Variants in NRG1 observed in about 807,000 individuals in gnomAD.
NRG1 encodes pro-neuregulin-1, membrane-bound isoform.
In NRG1, 18 loss-of-function variants were observed where a neutral mutation model predicts 63.8. That is an observed-to-expected ratio of 0.28 (90% CI 0.19 to 0.42). NRG1 has a LOEUF of 0.42. NRG1 is among the 10% of genes least tolerant of loss of function. NRG1 has a pLI of 1.00. For synonymous variants in NRG1, 302 were observed against 301.3 expected (o/e 1.00, Z -0.02); for missense variants, 762 against 814.7 (o/e 0.94, Z 0.79).
intron 1 of NRG1, among the ~76,000 whole-genome samples, chr8:32,426,232 G>A (rs1404008889): frequency 6.6e-6 from 1 of 152,116 alleles, no homozygotes; most frequent in African/African-American, 2.4e-5. Flanking sequence ...ATCCAGTGAA[G>A]AGCAGGGAGA....
intron 1 of NRG1, among the ~76,000 whole-genome samples, chr8:31,760,073 T>C (rs1817371266): frequency 6.6e-6 from 1 of 152,178 alleles, no homozygotes; most frequent in Admixed American, 6.5e-5. Flanking sequence ...CCCATGCGGA[T>C]TGGAATCAAC....
intron 1 of NRG1, among the ~76,000 whole-genome samples, chr8:31,960,944 T>C (rs1296699390): frequency 1.3e-5 from 2 of 152,244 alleles, no homozygotes; most frequent in African/African-American, 4.8e-5. Context: ...AGGTTTGCTT[T>C]AGCGATTTCA....
intron 1 of NRG1, among the ~76,000 whole-genome samples, chr8:32,070,837 A>T (rs997491424): frequency 1.3e-5 from 2 of 152,128 alleles, no homozygotes; most frequent in Non-Finnish European, 2.9e-5. Flanking sequence ...TTACTATCCA[A>T]ATCTGAAGTT....
chr8:31,684,996 C>T (rs529384468), intron 1 of NRG1, among the ~76,000 whole-genome samples: 2 of 152,092 alleles, frequency 1.3e-5, no homozygotes, highest in African/African-American at 4.8e-5. Flanking sequence ...GCCTTAGTAA[C>T]CCTGCACTGG....
At position 31,936,349 on chromosome 8, in the gene NRG1, A is replaced by T. The variant is rs181067268; in HGVS notation, c.37+296918A>T. Among the ~76,000 whole-genome samples, 568 of 152,316 alleles carry T rather than the reference A, an allele frequency of 3.7e-3. 1 individual carries two copies. Among genetic ancestry groups the T allele is most frequent in the Middle Eastern group, 6.8e-3 (2 of 294 alleles). On this transcript the variant is annotated intron_variant, in intron 1 of 10. Coordinates refer to the NRG1 transcript ENST00000519301. The stretch of plus-strand genomic sequence containing the variant: ...GTTGTAAAATATTTGATGATTTCGC[A>T]GTTAGGGGGTTTCTTAGAAAGTGCT...
At chr8:32,395,134 T>A (rs929653457) in intron 1 of NRG1, among the ~76,000 whole-genome samples, 1 of 152,186 alleles carries the variant, frequency 6.6e-6, no homozygotes, top group Non-Finnish European at 1.5e-5. Context: ...CCTTCCTGTA[T>A]ATACAAAGTA....
At chr8:32,344,358 C>CTTTG (rs869114763) in intron 1 of NRG1, among the ~76,000 whole-genome samples, 1 of 59,754 alleles carries the variant, frequency 1.7e-5, no homozygotes, top group Non-Finnish European at 3.6e-5. Context: ...TTCTTTCTTT[C>CTTTG]TTTCTTTCTT....
intron 1 of NRG1, among the ~76,000 whole-genome samples, chr8:31,776,021 T>C (rs1819098147): frequency 6.6e-6 from 1 of 152,196 alleles, no homozygotes; most frequent in Non-Finnish European, 1.5e-5. Flanking sequence ...CTTCATAGTT[T>C]GTTAGGAGCA....
chr8:31,812,237 C>A (rs1449768747), intron 1 of NRG1, among the ~76,000 whole-genome samples: 1 of 152,160 alleles, frequency 6.6e-6, no homozygotes, highest in Non-Finnish European at 1.5e-5. Context: ...GAGGCTAGAA[C>A]CGTGGATTTC....
intron 1 of NRG1, among the ~76,000 whole-genome samples, chr8:31,854,158 T>C (rs1224972271): frequency 1.3e-5 from 2 of 152,144 alleles, no homozygotes; most frequent in Non-Finnish European, 2.9e-5. Context: ...CCTCTTTTTC[T>C]ATTGATTGGA....
Position 32,224,702 on chromosome 8 carries a change from G to A in NRG1, c.38-371126G>A, listed in dbSNP as rs1056362209. On this transcript the variant is annotated intron_variant, in intron 1 of 10. Coordinates refer to the NRG1 transcript ENST00000519301. Reference sequence around the variant, plus strand: ...AAGGATCACTCAAAGATGAGAATTTGAACTAATTTTACTGAAAGACAGGAT... The same window carrying A: ...AAGGATCACTCAAAGATGAGAATTTAAACTAATTTTACTGAAAGACAGGAT... Among the ~76,000 whole-genome samples, 32 of 152,150 alleles carry A rather than the reference G, an allele frequency of 2.1e-4. 2 individuals are homozygous for A. Among genetic ancestry groups the A allele is most frequent in the Non-Finnish European group, 2.9e-5 (2 of 68,020 alleles).
At chr8:32,597,909 GAA>G (rs1463492372) in intron 2 of NRG1, among the ~76,000 whole-genome samples, 1 of 152,104 alleles carries the variant, frequency 6.6e-6, no homozygotes, top group Non-Finnish European at 1.5e-5. Flanking sequence ...TTCTTACAAA[GAA>G]GTTTAACAGG....
intron 1 of NRG1, among the ~76,000 whole-genome samples, chr8:32,496,002 G>T (rs1301601383): frequency 6.6e-6 from 1 of 152,104 alleles, no homozygotes; most frequent in Non-Finnish European, 1.5e-5. Context: ...CTGGGTAAAT[G>T]TAATATATTT....
At chr8:31,857,725 T>C (rs572430490) in intron 1 of NRG1, among the ~76,000 whole-genome samples, 1 of 152,250 alleles carries the variant, frequency 6.6e-6, no homozygotes, top group South Asian at 2.1e-4. Context: ...TACTACTTGC[T>C]GTTTATTTTA....
intron 5 of NRG1, chr8:32,648,492 T>G (rs1854206280): frequency 6.9e-7 from 1 of 1,449,846 alleles, no homozygotes; most frequent in Non-Finnish European, 9.2e-7. Flanking sequence ...TGCCTGGTTT[T>G]GTTTAAGCAA....
intron 1 of NRG1, among the ~76,000 whole-genome samples, chr8:32,486,081 C>G (rs181882184): frequency 1.2e-4 from 18 of 152,148 alleles, no homozygotes; most frequent in Middle Eastern, 3.4e-3. Context: ...GCGCTCCCCC[C>G]CTCCCCATGC....
At chr8:31,824,203 T>A (rs2129604070) in intron 1 of NRG1, among the ~76,000 whole-genome samples, 1 of 124,320 alleles carries the variant, frequency 8.0e-6, no homozygotes, top group East Asian at 2.6e-4. Context: ...GGCCCTGGTG[T>A]GTGATGTTCC....
intron 1 of NRG1, among the ~76,000 whole-genome samples, chr8:31,677,710 A>G (rs1807872129): frequency 6.6e-6 from 1 of 152,176 alleles, no homozygotes. Context: ...TATTTCTATG[A>G]GTCTTTATGT....
intron 1 of NRG1, among the ~76,000 whole-genome samples, chr8:32,475,944 C>T: frequency 6.6e-6 from 1 of 152,242 alleles, no homozygotes; most frequent in East Asian, 1.9e-4. Context: ...TCAATTAATT[C>T]ATCACTCTGA....
Sources: allele counts gnomAD v4.1 joint callset (sites outside exome capture counted in the v4.1 genomes callset), GRCh38; gene constraint gnomAD v4.1.1; transcripts MANE v1.5; gene names NCBI Gene and HGNC (gene_info 2026-07-23, HGNC 2026-07-21).